SLC4A4: variants seen among roughly 807,000 people sequenced by gnomAD.
The protein encoded by SLC4A4 is solute carrier family 4 member 4, also known as electrogenic sodium bicarbonate cotransporter 1.
A neutral mutation model predicts 111.5 loss-of-function variants in SLC4A4; 27 were observed. The ratio of observed to expected loss-of-function variants is 0.24; its 90% confidence interval spans 0.18 to 0.33. The LOEUF (loss-of-function observed/expected upper bound fraction) is 0.33, where lower values mean the gene tolerates loss of function less well. Among genes scored for constraint, SLC4A4 ranks in the 10% least tolerant of loss-of-function variants. SLC4A4 has a pLI of 1.00. For synonymous variants in SLC4A4, 443 were observed against 463.4 expected (o/e 0.96, Z 0.57); for missense variants, 909 against 1,315.5 (o/e 0.69, Z 4.78).
intron 7 of SLC4A4, among the ~76,000 whole-genome samples, chr4:71,426,873 G>A (rs1723190964): frequency 6.6e-6 from 1 of 152,058 alleles, no homozygotes; most frequent in African/African-American, 2.4e-5. Context: ...ATCTTTATGA[G>A]TTACAGCTGT....
At position 71,360,079 on chromosome 4, in the gene SLC4A4, A is replaced by G. The variant is rs114398129; in HGVS notation, c.730+2892A>G. Among the ~76,000 whole-genome samples, 430 of 152,300 alleles carry G rather than the reference A, an allele frequency of 2.8e-3. 2 individuals carry two copies. Among genetic ancestry groups the G allele is most frequent in the African/African-American group, 0.01 (419 of 41,548 alleles). On this transcript the variant is annotated intron_variant, in intron 6 of 25. Coordinates refer to ENST00000264485, the MANE Select transcript of SLC4A4 (RefSeq NM_001098484.3). ...AAAAATTAAGTTATATAAACATACA[A>G]TTTAATAATTATATTAAAACAAAGA...
intron 6 of SLC4A4, among the ~76,000 whole-genome samples, chr4:71,391,117 AT>A (rs920438664): frequency 3.3e-5 from 5 of 152,132 alleles, no homozygotes; most frequent in Admixed American, 1.3e-4. Flanking sequence ...AATGACATTT[AT>A]TGCTAGTTTT....
In SLC4A4 at chr4:71,344,572, T is replaced by C. The variant is rs59005286; in HGVS notation, c.389+5067T>C. Among the ~76,000 whole-genome samples the C allele has an allele frequency of 7.9e-3, 1,205 of 152,268 alleles. 17 individuals are homozygous for C. Among genetic ancestry groups the C allele is most frequent in the African/African-American group, 0.026 (1,067 of 41,568 alleles). On this transcript the variant is annotated intron_variant, in intron 4 of 25. Transcript: ENST00000264485. ...ATAATATTTTGATTTTCTGTGAAAG[T>C]CGCAATTGATAGCCTATTTTATTTC...
At chr4:71,070,679 T>C (rs1237509493) in intron 1 of SLC4A4, among the ~76,000 whole-genome samples, 1 of 152,170 alleles carries the variant, frequency 6.6e-6, no homozygotes, top group African/African-American at 2.4e-5. Flanking sequence ...TAAAAAGCAA[T>C]TAAAAATACT....
chr4:71,096,108 T>G (rs895067136), intron 2 of SLC4A4, among the ~76,000 whole-genome samples: 1 of 151,944 alleles, frequency 6.6e-6, no homozygotes, highest in Non-Finnish European at 1.5e-5. Context: ...GGTGGGACAG[T>G]TTAAATTTTG....
chr4:71,344,875 A>G (rs1230212310), intron 4 of SLC4A4, among the ~76,000 whole-genome samples: 2 of 152,170 alleles, frequency 1.3e-5, no homozygotes, highest in Non-Finnish European at 2.9e-5. Flanking sequence ...GTACTACTTC[A>G]GGAATTTCAG....
chr4:71,452,109 A>G (rs973538539), intron 11 of SLC4A4, among the ~76,000 whole-genome samples: 6 of 151,902 alleles, frequency 3.9e-5, no homozygotes, highest in African/African-American at 1.5e-4. Flanking sequence ...GTTTTTTTTT[A>G]ACATGAAAAG....
chr4:71,072,504 C>A (rs1338138410), intron 1 of SLC4A4, among the ~76,000 whole-genome samples: 1 of 152,088 alleles, frequency 6.6e-6, no homozygotes, highest in Non-Finnish European at 1.5e-5. Flanking sequence ...AAATGATAGG[C>A]ATAGTCTTCT....
At chr4:71,314,553 G>A (rs1027442206) in intron 3 of SLC4A4, among the ~76,000 whole-genome samples, 9 of 152,202 alleles carry the variant, frequency 5.9e-5, no homozygotes, top group African/African-American at 2.2e-4. Context: ...TATAGAAAAT[G>A]TGGCACATAT....
rs199752351 is a variant in SLC4A4, at chr4:71,567,075, T to C, written c.*28T>C. On this transcript the variant is annotated 3_prime_UTR_variant, in exon 25 of 26. Coordinates refer to ENST00000264485, the MANE Select transcript of SLC4A4 (RefSeq NM_001098484.3). ...AAATTCCTTTCCTTCAGTCACTCGG[T>C]ATGCCAAGGTAAAGGAGAGCCCAGT... 1.2e-6 allele frequency: 2 copies of C among 1,608,664 alleles called. No homozygotes were observed. Among genetic ancestry groups the C allele is most frequent in the African/African-American group, 1.3e-5 (1 of 74,738 alleles).
At chr4:71,176,891 G>A (rs7669304) in intron 2 of SLC4A4, among the ~76,000 whole-genome samples, 27,473 of 152,110 alleles carry the variant, frequency 0.18, 5,584 homozygotes, top group African/African-American at 0.5. Context: ...ATTCACCAAA[G>A]TTGAAATGAA....
intron 1 of SLC4A4, among the ~76,000 whole-genome samples, chr4:71,092,377 G>T (rs6816128): frequency 1.3e-5 from 2 of 151,982 alleles, no homozygotes; most frequent in South Asian, 4.1e-4. Flanking sequence ...CATGTTGACA[G>T]ATATTTTAAA....
intron 6 of SLC4A4, among the ~76,000 whole-genome samples, chr4:71,397,123 CA>C (rs1459934213): frequency 6.6e-6 from 1 of 152,096 alleles, no homozygotes; most frequent in Non-Finnish European, 1.5e-5. Context: ...GGAAGGGCTG[CA>C]AAGGCCTGGG....
intron 3 of SLC4A4, among the ~76,000 whole-genome samples, chr4:71,258,318 T>C (rs1346791266): frequency 6.6e-6 from 1 of 152,238 alleles, no homozygotes; most frequent in East Asian, 1.9e-4. Context: ...GTTCTGGCTT[T>C]TAAATTTTAC....
chr4:71,504,893 C>A (rs1390951825), intron 16 of SLC4A4, among the ~76,000 whole-genome samples: 1 of 152,060 alleles, frequency 6.6e-6, no homozygotes, highest in African/African-American at 2.4e-5. Flanking sequence ...CTCCCCCTCC[C>A]AACAGACCCC....
intron 7 of SLC4A4, among the ~76,000 whole-genome samples, chr4:71,400,847 T>C (rs1410184451): frequency 6.6e-6 from 1 of 152,144 alleles, no homozygotes; most frequent in Non-Finnish European, 1.5e-5. Flanking sequence ...CTGTTTCTTC[T>C]CTGTTTGGAC....
Position 71,563,656 on chromosome 4 carries a change from C to T in SLC4A4, c.3100-137C>T. The stretch of plus-strand genomic sequence containing the variant: ...AAGAAGGAATGCAGTTAAAAGATGG[C>T]AAACTGGAAGTAATTATAAGGCTTT... On this transcript the variant is annotated intron_variant, in intron 23 of 25. Transcript: ENST00000264485. The T allele has an allele frequency of 8.7e-6, 6 of 691,480 alleles. No individual in the cohort carries two copies. The South Asian group carries it at 9.8e-5, about 11-fold the overall frequency. 42.8% of individuals were successfully genotyped at this position (691,480 alleles called of 1,614,324 possible). A position where few individuals can be genotyped will look rare whatever the true frequency, so the allele number is the denominator to read the frequency against.
At chr4:71,565,508 T>G (rs2149259291) in intron 24 of SLC4A4, among the ~76,000 whole-genome samples, 1 of 151,888 alleles carries the variant, frequency 6.6e-6, no homozygotes, top group Middle Eastern at 3.4e-3. Context: ...CTTTGTTGTG[T>G]GATCATCTGA....
At chr4:71,422,867 C>A (rs954335714) in intron 7 of SLC4A4, among the ~76,000 whole-genome samples, 1 of 152,036 alleles carries the variant, frequency 6.6e-6, no homozygotes, top group Middle Eastern at 3.2e-3. Context: ...TATGACAAAC[C>A]CACAGCCAAT....
Sources: gnomAD v4.1 joint callset for allele counts (sites outside exome capture counted in the v4.1 genomes callset) on GRCh38, gnomAD v4.1.1 for gene constraint, MANE v1.5 for transcripts, NCBI Gene and HGNC (gene_info 2026-07-23, HGNC 2026-07-21) for gene names.